Variants in CDKAL1 observed in about 807,000 individuals in gnomAD.
The protein encoded by CDKAL1 is CDKAL1 threonylcarbamoyladenosine tRNA methylthiotransferase.
In CDKAL1, 32 loss-of-function variants were observed where a neutral mutation model predicts 68.2. The ratio of observed to expected loss-of-function variants is 0.47; its 90% CI spans 0.35 to 0.63. CDKAL1 has a LOEUF of 0.63. CDKAL1 is among the 30% of genes least tolerant of loss of function. The probability of loss-of-function intolerance (pLI) is 0.00; values close to 1 mark genes in which losing one functional copy is unlikely to be tolerated. For synonymous variants in CDKAL1, 234 were observed against 244.3 expected (o/e 0.96, Z 0.39); for missense variants, 606 against 696.7 (o/e 0.87, Z 1.47).
intron 8 of CDKAL1, among the ~76,000 whole-genome samples, chr6:20,811,617 C>T (rs4710951): frequency 0.96 from 145,915 of 152,200 alleles, 69,957 homozygotes; most frequent in East Asian, 1. Flanking sequence ...AGGCACTTGA[C>T]CAGAATTCAG....
chr6:20,749,649 G>A (rs986527766), intron 6 of CDKAL1, among the ~76,000 whole-genome samples: 18 of 151,692 alleles, frequency 1.2e-4, no homozygotes, highest in East Asian at 1.2e-3. Flanking sequence ...CTGGGTTCAC[G>A]CCATTCTCCT....
intron 15 of CDKAL1, among the ~76,000 whole-genome samples, chr6:21,218,372 T>C (rs1404800858): frequency 2.0e-5 from 3 of 152,246 alleles, no homozygotes; most frequent in African/African-American, 7.2e-5. Context: ...TGTAACAAAT[T>C]ACTTCAAAAC....
chr6:20,817,985 C>A (rs535664183), intron 8 of CDKAL1, among the ~76,000 whole-genome samples: 4 of 152,088 alleles, frequency 2.6e-5, no homozygotes, highest in Admixed American at 6.6e-5. Context: ...ATTTCTTGAG[C>A]CTTTTCCTTC....
chr6:20,714,153 C>T (rs1403962203), intron 5 of CDKAL1, among the ~76,000 whole-genome samples: 1 of 151,592 alleles, frequency 6.6e-6, no homozygotes, highest in East Asian at 1.9e-4. Context: ...TTACCACCAG[C>T]TTATGGGCAA....
At chr6:20,559,964 G>A (rs1764204399) in intron 4 of CDKAL1, among the ~76,000 whole-genome samples, 2 of 152,256 alleles carry the variant, frequency 1.3e-5, no homozygotes, top group South Asian at 4.1e-4. Flanking sequence ...TTAAAAATCT[G>A]TTGTTAGTAT....
At chr6:21,113,099 C>G (rs1425771352) in intron 13 of CDKAL1, among the ~76,000 whole-genome samples, 1 of 152,186 alleles carries the variant, frequency 6.6e-6, no homozygotes, top group Non-Finnish European at 1.5e-5. Flanking sequence ...AACAGAGGAA[C>G]TCCGAAAGTG....
chr6:20,940,197 AAT>A (rs1163949722), intron 9 of CDKAL1, among the ~76,000 whole-genome samples: 11 of 152,204 alleles, frequency 7.2e-5, no homozygotes, highest in East Asian at 5.8e-4. Context: ...ATTTTAATAA[AAT>A]ATGTCAATAC....
At chr6:20,778,306 T>G (rs1775263744) in intron 7 of CDKAL1, among the ~76,000 whole-genome samples, 1 of 152,180 alleles carries the variant, frequency 6.6e-6, no homozygotes, top group South Asian at 2.1e-4. Flanking sequence ...TGAAAAAACA[T>G]TTACTTTTCA....
intron 4 of CDKAL1, among the ~76,000 whole-genome samples, chr6:20,574,536 A>G (rs1398711101): frequency 2.0e-5 from 3 of 152,196 alleles, no homozygotes; most frequent in Non-Finnish European, 2.9e-5. Context: ...GCATGATTAC[A>G]TATAATCAAG....
At chr6:20,568,600 T>G (rs575993236) in intron 4 of CDKAL1, among the ~76,000 whole-genome samples, 4 of 151,732 alleles carry the variant, frequency 2.6e-5, no homozygotes, top group Non-Finnish European at 5.9e-5. Flanking sequence ...CCGGGCGTGG[T>G]GGCGGGCGCC....
chr6:21,001,557 A>G (rs1352168117), intron 11 of CDKAL1, among the ~76,000 whole-genome samples: 1 of 152,104 alleles, frequency 6.6e-6, no homozygotes, highest in East Asian at 1.9e-4. Context: ...CAGTGCATAG[A>G]AGCTGTATTT....
At chr6:20,817,012 T>C (rs1332441689) in intron 8 of CDKAL1, among the ~76,000 whole-genome samples, 2 of 152,152 alleles carry the variant, frequency 1.3e-5, no homozygotes, top group African/African-American at 4.8e-5. Context: ...TTTGAGGACA[T>C]TGTGTGTTAT....
At chr6:20,638,229 C>A (rs1036267759) in intron 4 of CDKAL1, among the ~76,000 whole-genome samples, 1 of 152,146 alleles carries the variant, frequency 6.6e-6, no homozygotes, top group Non-Finnish European at 1.5e-5. Context: ...GGATTTTTGA[C>A]AGTCTAGTAA....
intron 4 of CDKAL1, among the ~76,000 whole-genome samples, chr6:20,563,732 A>T (rs1320930744): frequency 6.6e-6 from 1 of 152,056 alleles, no homozygotes; most frequent in Non-Finnish European, 1.5e-5. Flanking sequence ...GTGAAGTGTA[A>T]GCAGCTGTGT....
At chr6:21,198,556 T>A (rs552341356) in intron 14 of CDKAL1, among the ~76,000 whole-genome samples, 1 of 152,272 alleles carries the variant, frequency 6.6e-6, no homozygotes, top group South Asian at 2.1e-4. Context: ...TTGGTTGGTT[T>A]TTTAGTTTTG....
chr6:21,169,119 C>A (rs561363405), intron 13 of CDKAL1, among the ~76,000 whole-genome samples: 7 of 152,120 alleles, frequency 4.6e-5, no homozygotes, highest in Non-Finnish European at 2.9e-5. Flanking sequence ...CGGGCAGAAG[C>A]AAACTAAAAT....
At chr6:21,209,231 A>G (rs1349106557) in intron 15 of CDKAL1, among the ~76,000 whole-genome samples, 1 of 152,178 alleles carries the variant, frequency 6.6e-6, no homozygotes, top group Non-Finnish European at 1.5e-5. Flanking sequence ...GAGGCATCAT[A>G]GGATGGGACT....
intron 4 of CDKAL1, among the ~76,000 whole-genome samples, chr6:20,580,744 CT>C (rs1244336017): frequency 2.6e-5 from 4 of 151,754 alleles, no homozygotes; most frequent in African/African-American, 9.7e-5. Context: ...TGCCATAGCC[CT>C]TGTGTCTCTC....
intron 10 of CDKAL1, chr6:20,993,562 C>T (rs553508026): frequency 6.6e-6 from 1 of 152,220 alleles, no homozygotes; most frequent in East Asian, 1.9e-4. Context: ...GCTGCTGAGG[C>T]AAGCACATAC....
Sources: gnomAD v4.1 joint callset for allele counts (sites outside exome capture counted in the v4.1 genomes callset) on GRCh38, gnomAD v4.1.1 for gene constraint, MANE v1.5 for transcripts, NCBI Gene and HGNC (gene_info 2026-07-23, HGNC 2026-07-21) for gene names.